The following XNDC1N variants were observed in gnomAD, a reference collection of about 807,000 sequenced individuals.
The protein encoded by XNDC1N is protein XNDC1N.
At chr11:71,902,909 T>C in the XNDC1N span, among the ~76,000 whole-genome samples, 21 of 152,256 alleles carry the variant, frequency 1.4e-4, no homozygotes, top group African/African-American at 4.8e-4. Context: ...ATTTGTTATA[T>C]ATGACGATCT....
the XNDC1N span, among the ~76,000 whole-genome samples, chr11:71,913,190 AT>A: frequency 1.3e-5 from 2 of 152,074 alleles, no homozygotes. Flanking sequence ...CACCTGCGAT[AT>A]TGGGAGTCAT....
chr11:71,865,755 C>T, the XNDC1N span: 7 of 400,804 alleles, frequency 1.7e-5, no homozygotes, highest in African/African-American at 7.0e-5. Flanking sequence ...GCACTGTCAA[C>T]ATTTTGAGAA....
At chr11:71,899,062 CTCTTCT>C in the XNDC1N span, among the ~76,000 whole-genome samples, 1 of 152,110 alleles carries the variant, frequency 6.6e-6, no homozygotes, top group Non-Finnish European at 1.5e-5. Context: ...ACTCACTTTT[CTCTTCT>C]TCTTCTTGCA....
At chr11:71,887,696 T>A in the XNDC1N span, among the ~76,000 whole-genome samples, 1 of 152,206 alleles carries the variant, frequency 6.6e-6, no homozygotes, top group Admixed American at 6.5e-5. Flanking sequence ...TCGGTCTCCA[T>A]GGAACACTCC....
chr11:71,895,566 A>G, the XNDC1N span, among the ~76,000 whole-genome samples: 1 of 144,442 alleles, frequency 6.9e-6, no homozygotes, highest in Non-Finnish European at 1.5e-5. Context: ...ACCTCAGGTG[A>G]TCCGCCCGCT....
chr11:71,891,507 T>C, the XNDC1N span, among the ~76,000 whole-genome samples: 3 of 151,666 alleles, frequency 2.0e-5, no homozygotes, highest in East Asian at 1.9e-4. Context: ...CACAAAGGGG[T>C]TGTACACACC....
At chr11:71,904,771 GAAT>G in the XNDC1N span, among the ~76,000 whole-genome samples, 3 of 151,942 alleles carry the variant, frequency 2.0e-5, no homozygotes, top group Admixed American at 2.0e-4. Flanking sequence ...AGGATATTAC[GAAT>G]AATATCACAG....
chr11:71,887,948 GGT>G, the XNDC1N span, among the ~76,000 whole-genome samples: 32,161 of 151,750 alleles, frequency 0.21, 5,946 homozygotes, highest in African/African-American at 0.53. Context: ...TCCGGAGTCA[GGT>G]GTCACTACTC....
the XNDC1N span, among the ~76,000 whole-genome samples, chr11:71,922,335 C>G: frequency 7.2e-4 from 109 of 152,266 alleles, no homozygotes; most frequent in African/African-American, 2.5e-3. Context: ...CAAGGTCTTG[C>G]TCTGTCGCCC....
chr11:71,896,794 C>G, the XNDC1N span, among the ~76,000 whole-genome samples: 1 of 152,238 alleles, frequency 6.6e-6, no homozygotes, highest in Non-Finnish European at 1.5e-5. Context: ...CAACTCCTGA[C>G]CTCACGTGAT....
At chr11:71,907,807 T>C in the XNDC1N span, among the ~76,000 whole-genome samples, 2 of 152,148 alleles carry the variant, frequency 1.3e-5, no homozygotes, top group African/African-American at 4.8e-5. Flanking sequence ...GTGTCCACTT[T>C]CTGCCATATA....
the XNDC1N span, chr11:71,893,442 C>T: frequency 1.4e-6 from 1 of 716,458 alleles, no homozygotes; most frequent in Non-Finnish European, 2.6e-6. Context: ...ATCCTCTTTC[C>T]TTCTCAAGGT....
chr11:71,896,171 C>T, the XNDC1N span, among the ~76,000 whole-genome samples: 3 of 152,150 alleles, frequency 2.0e-5, no homozygotes, highest in Admixed American at 1.3e-4. Context: ...CTCAGCTACT[C>T]GGAGGGCTGA....
chr11:71,870,539 T>A, the XNDC1N span, among the ~76,000 whole-genome samples: 1 of 152,056 alleles, frequency 6.6e-6, no homozygotes, highest in Non-Finnish European at 1.5e-5. Flanking sequence ...ATAGACAAAT[T>A]TCATTATAAT....
At chr11:71,922,442 C>T in the XNDC1N span, among the ~76,000 whole-genome samples, 1 of 152,034 alleles carries the variant, frequency 6.6e-6, no homozygotes, top group Non-Finnish European at 1.5e-5. Context: ...TAGCTGGGAC[C>T]ACAGGCACAT....
chr11:71,899,314 G>C, the XNDC1N span, among the ~76,000 whole-genome samples: 14 of 152,170 alleles, frequency 9.2e-5, no homozygotes, highest in African/African-American at 3.1e-4. Flanking sequence ...AGGGAGGACA[G>C]TGGACCTGTT....
the XNDC1N span, among the ~76,000 whole-genome samples, chr11:71,879,169 T>C: frequency 6.6e-6 from 1 of 152,184 alleles, no homozygotes; most frequent in Non-Finnish European, 1.5e-5. Context: ...ACCATAATCC[T>C]TGGTTCACAG....
the XNDC1N span, among the ~76,000 whole-genome samples, chr11:71,918,107 C>T: frequency 2.0e-5 from 3 of 152,104 alleles, no homozygotes; most frequent in Admixed American, 2.0e-4. Context: ...TCTCTCTGTC[C>T]CGACAAAACT....
chr11:71,914,161 G>C, the XNDC1N span, among the ~76,000 whole-genome samples: 1 of 152,110 alleles, frequency 6.6e-6, no homozygotes, highest in Admixed American at 6.6e-5. Context: ...AATAAATTCT[G>C]TAAGGCTATA....
Sources: gnomAD v4.1 joint callset for allele counts (sites outside exome capture counted in the v4.1 genomes callset) on GRCh38, gnomAD v4.1.1 for gene constraint, MANE v1.5 for transcripts, NCBI Gene and HGNC (gene_info 2026-07-23, HGNC 2026-07-21) for gene names.